Variants in USP42 observed in about 807,000 individuals in gnomAD.
The protein encoded by USP42 is ubiquitin carboxyl-terminal hydrolase 42.
In USP42, 23 loss-of-function variants were observed where a neutral mutation model predicts 113.0. The ratio of observed to expected loss-of-function variants is 0.20; its 90% CI spans 0.15 to 0.29. The LOEUF (loss-of-function observed/expected upper bound fraction) is 0.29. Among genes scored for constraint, USP42 ranks in the 10% least tolerant of loss-of-function variants. The pLI is 1.00. For missense variants in USP42, 2,174 were observed against 1,779.8 expected (o/e 1.22, Z -3.99); for synonymous variants, 933 against 699.0 (o/e 1.33, Z -5.28).
intron 15 of USP42, 114 bp from the exon 16 acceptor site, chr7:6,156,640 T>C (rs930940349): frequency 5.0e-6 from 7 of 1,409,216 alleles, no homozygotes; most frequent in African/African-American, 2.9e-5. Context: ...ATAAGAATTG[T>C]GCGTGTCTGC....
intron 1 of USP42, among the ~76,000 whole-genome samples, chr7:6,108,165 T>TGGCA (rs781453319): frequency 3.9e-5 from 6 of 152,140 alleles, no homozygotes; most frequent in Non-Finnish European, 5.9e-5. Flanking sequence ...CCAGCCTGGG[T>TGGCA]GGCAGAGCTA....
chr7:6,101,460 T>G (rs1562789826), upstream of USP42, among the ~76,000 whole-genome samples: 1 of 151,164 alleles, frequency 6.6e-6, no homozygotes, highest in African/African-American at 2.5e-5. Context: ...ACAGAGCTTA[T>G]AAGAACAGAG....
the USP42 span, among the ~76,000 whole-genome samples, chr7:6,083,133 C>A: frequency 1.3e-5 from 2 of 149,522 alleles, no homozygotes; most frequent in East Asian, 1.9e-4. Context: ...CCATGTTGGT[C>A]AGGCTGGTCT....
At chr7:6,148,951 C>A (rs1195235604) in intron 12 of USP42, among the ~76,000 whole-genome samples, 1 of 152,196 alleles carries the variant, frequency 6.6e-6, no homozygotes, top group Admixed American at 6.5e-5. Flanking sequence ...TACCATGAAG[C>A]TTTCCAGTGT....
intron 3 of USP42, among the ~76,000 whole-genome samples, chr7:6,132,351 T>A (rs998312483): frequency 6.6e-6 from 1 of 152,156 alleles, no homozygotes; most frequent in East Asian, 1.9e-4. Context: ...TGCTTTTGTT[T>A]TTGTTTTGTT....
In USP42 at chr7:6,157,027, C is replaced by G; in HGVS notation, c.3915C>G (p.Asp1305Glu). Reference sequence around the variant, plus strand: ...ACTTACGGATGGAAAGCAGGGATGACAGGTGTCGTCTCTTTGAGTATGGCC... The same window carrying G: ...ACTTACGGATGGAAAGCAGGGATGAGAGGTGTCGTCTCTTTGAGTATGGCC... ...TKHLRMESRD[D>E]RCRLFEYGQG... Residue 1305 changes from aspartate (D) to glutamate (E), a missense_variant, in exon 16 of 18, where the codon GAC (aspartate) becomes GAG (glutamate). Asp to Glu is a conservative substitution (Grantham distance 45, BLOSUM62 2). Transcript: ENST00000306177. The surrounding 1 kb of genome is among the most constrained non-coding windows in gnomAD (Gnocchi z 4.1). 6.2e-7 allele frequency: 1 copy of G among 1,610,154 alleles called. No individual in the cohort carries two copies. The highest frequency in any genetic ancestry group is 1.1e-5 in the South Asian group (1 of 90,282).
chr7:6,159,368 C>T lies in USP42; in HGVS notation c.3944-82C>T. ...GGAACCGCAGTGACTCTGACCATAG[C>T]CACTTAACGCACACACACAGCAGAG... On this transcript the variant is annotated intron_variant, in intron 16 of 17. Transcript: ENST00000306177. This position sits in a 1 kb window ranked among gnomAD's most constrained non-coding sequence, Gnocchi z 4.1. The T allele has an allele frequency of 6.3e-7, 1 of 1,578,426 alleles. No individual in the cohort carries two copies. Among genetic ancestry groups the T allele is most frequent in the Non-Finnish European group, 8.7e-7 (1 of 1,151,130 alleles).
rs775262947 is a variant in USP42, at chr7:6,149,944, C to G, written c.1748C>G (p.Pro583Arg). ...TCTAGTAAAGTAACAAAACCGATCC[C>G]CCGCAGTGAATCCTGCTCCCAGCCC... ...SVSSKVTKPI[P>R]RSESCSQPVM... Residue 583 changes from proline (P) to arginine (R), a missense_variant, in exon 13 of 18, where the codon CCC becomes CGC. By Grantham distance (103) the Pro-to-Arg change is moderately radical. Coordinates refer to ENST00000306177, the MANE Select transcript of USP42 (RefSeq NM_032172.3). The G allele has an allele frequency of 2.5e-6, 4 of 1,614,026 alleles. No individual in the cohort carries two copies. In the East Asian group the frequency reaches 8.9e-5, roughly 36 times the overall value.
At chr7:6,081,706 A>C in the USP42 span, 1 of 152,150 alleles carries the variant, frequency 6.6e-6, no homozygotes, top group Non-Finnish European at 1.5e-5. Context: ...GTCGGGTGAG[A>C]GGGTGATCGC....
In USP42 at chr7:6,140,186, A is replaced by C. The variant is rs1326377715; in HGVS notation, c.715A>C (p.Arg239=). ...TTGTCAGATATTTGGAGGATACCTAAGATCTAGAGGTAAGCTTTTGCTTAT... is the reference window on the plus strand; with the variant it reads ...TTGTCAGATATTTGGAGGATACCTACGATCTAGAGGTAAGCTTTTGCTTAT... ...LVCQIFGGYL[R]SRVKCLNCKG... is the part of the protein sequence containing the mutation. The change falls in exon 6 of 18, where the codon AGA becomes CGA. Residue 239 remains arginine, a synonymous_variant. Coordinates refer to ENST00000306177, the MANE Select transcript of USP42 (RefSeq NM_032172.3). 1 of 1,613,656 alleles carries C rather than the reference A, an allele frequency of 6.2e-7. No homozygotes were observed. Among genetic ancestry groups the C allele is most frequent in the East Asian group, 2.2e-5 (1 of 44,884 alleles).
chr7:6,139,900 GAC>G lies in USP42; in HGVS notation c.657-224_657-223del, dbSNP rs1781350170. On this transcript the variant is annotated intron_variant, in intron 5 of 17. Transcript: ENST00000306177. This position sits in a 1 kb window ranked among gnomAD's most constrained non-coding sequence, Gnocchi z 4.5. ...TTGCTTCCCGAGTCCCTTCCTGACA[GAC>G]ACAGCTCCCACAGCTCTGCGTCTCC... The G allele has an allele frequency of 5.3e-6, 3 of 571,224 alleles. No individual in the cohort carries two copies. The allele number at this position is 571,224 out of a possible 1,614,324, so 35.4% of individuals were successfully genotyped here. A position where few individuals can be genotyped will look rare whatever the true frequency, so the allele number is the denominator to read the frequency against.
chr7:6,110,991 T>A, intron 1 of USP42, 134 bp from the exon 2 acceptor site: 1 of 863,788 alleles, frequency 1.2e-6, no homozygotes. Context: ...AAAGTACTAT[T>A]GTTTTTATAT....
chr7:6,137,652 C>T (rs1217329540), intron 4 of USP42, among the ~76,000 whole-genome samples: 1 of 151,942 alleles, frequency 6.6e-6, no homozygotes, highest in African/African-American at 2.4e-5. Flanking sequence ...GCCACCATGC[C>T]TGGCTATTTA....
chr7:6,091,996 C>CTTCTTCTTCTTCTTCTTCTTCTTCTTCTT, the USP42 span, among the ~76,000 whole-genome samples: 1 of 69,102 alleles, frequency 1.4e-5, no homozygotes, highest in African/African-American at 4.8e-5. Context: ...TCTTCTTCTT[C>CTTCTTCTTCTTCTTCTTCTTCTTCTTCTT]TTCTTCTTCT....
rs1161789445 is a variant in USP42, at chr7:6,147,718, T to A, written c.1233-21T>A. 5.1e-6 allele frequency: 8 copies of A among 1,560,826 alleles called. No homozygotes were observed. The East Asian group carries it at 1.8e-4, about 36-fold the overall frequency. On this transcript the variant is annotated intron_variant, in intron 11 of 17. Coordinates refer to ENST00000306177, the MANE Select transcript of USP42 (RefSeq NM_032172.3). ...AGGAGGTGTCCTGTGTCACCCTAAG[T>A]ATCGCTCTCCTTGTTTCCAGGTCCC...
chr7:6,150,884 A>G (rs1320193402), intron 14 of USP42, among the ~76,000 whole-genome samples: 2 of 152,200 alleles, frequency 1.3e-5, no homozygotes, highest in East Asian at 3.9e-4. Context: ...GTGAAGAAGC[A>G]CATACAGACA....
At chr7:6,121,389 CTGGCTTTGATT>C (rs1780217896) in intron 3 of USP42, among the ~76,000 whole-genome samples, 1 of 152,128 alleles carries the variant, frequency 6.6e-6, no homozygotes, top group African/African-American at 2.4e-5. Flanking sequence ...CTATGTATTA[CTGGCTTTGATT>C]TGCTAAAATT....
rs764105545 is a variant in USP42, at chr7:6,154,194, C to T, written c.2640C>T (p.Ala880=). The part of the protein sequence containing the change: ...PLLVHPSGDH[A]RDAQDPSQSL... The stretch of plus-strand genomic sequence containing the variant: ...TTGTTCACCCCAGCGGGGACCACGC[C>T]CGGGACGCTCAGGACCCATCCCAGA... The change falls in exon 15 of 18, where the codon GCC becomes GCT. Residue 880 remains alanine (A), a synonymous_variant. Coordinates refer to ENST00000306177, the MANE Select transcript of USP42 (RefSeq NM_032172.3). 1 of 1,601,964 alleles carries T rather than the reference C, an allele frequency of 6.2e-7. No individual in the cohort carries two copies. Among genetic ancestry groups the T allele is most frequent in the Non-Finnish European group, 8.5e-7 (1 of 1,176,380 alleles).
chr7:6,123,844 A>AC (rs931736726), intron 3 of USP42, among the ~76,000 whole-genome samples: 3 of 150,688 alleles, frequency 2.0e-5, no homozygotes, highest in African/African-American at 4.9e-5. Flanking sequence ...AAAAAAAAAA[A>AC]AAAAAAAGCC....
Sources: gnomAD v4.1 joint callset for allele counts (sites outside exome capture counted in the v4.1 genomes callset) on GRCh38, gnomAD v4.1.1 for gene constraint, Gnocchi (gnomAD v3.1) non-coding constraint, MANE v1.5 for transcripts, NCBI Gene and HGNC (gene_info 2026-07-23, HGNC 2026-07-21) for gene names.